Variants in ZNF804B observed in about 807,000 individuals in gnomAD.
ZNF804B encodes the protein zinc finger protein 804B.
A neutral mutation model predicts 101.4 loss-of-function variants in ZNF804B; 80 were observed. The observed-to-expected ratio is 0.79, with a 90% CI of 0.66 to 0.95. ZNF804B has a LOEUF of 0.95. Ranked by LOEUF, ZNF804B falls within the 40% of genes least tolerant of loss-of-function variation. The probability of loss-of-function intolerance (pLI) is 0.00; values close to 1 mark genes in which losing one functional copy is unlikely to be tolerated. For missense variants in ZNF804B, 1,673 were observed against 1,561.9 expected (o/e 1.07, Z -1.20); for synonymous variants, 622 against 558.8 (o/e 1.11, Z -1.59).
chr7:88,917,943 G>A (rs1431421644), intron 1 of ZNF804B, among the ~76,000 whole-genome samples: 3 of 152,126 alleles, frequency 2.0e-5, no homozygotes, highest in Admixed American at 2.0e-4. Flanking sequence ...TGAAAGAGAG[G>A]AAAGCACTAG....
chr7:88,795,277 A>G (rs1298289199), intron 1 of ZNF804B, among the ~76,000 whole-genome samples: 1 of 152,130 alleles, frequency 6.6e-6, no homozygotes, highest in Non-Finnish European at 1.5e-5. Context: ...GTCCTTTATA[A>G]GCCAAATTTT....
At chr7:88,882,941 A>G (rs1792065673) in intron 1 of ZNF804B, among the ~76,000 whole-genome samples, 1 of 152,066 alleles carries the variant, frequency 6.6e-6, no homozygotes, top group African/African-American at 2.4e-5. Flanking sequence ...CTCATATCTC[A>G]AACCTCAGTG....
At chr7:89,067,280 C>T (rs963355206) in intron 1 of ZNF804B, among the ~76,000 whole-genome samples, 1 of 152,130 alleles carries the variant, frequency 6.6e-6, no homozygotes, top group African/African-American at 2.4e-5. Flanking sequence ...CAATTGTAGA[C>T]CGAGTTGTTG....
At position 88,900,047 on chromosome 7, in the gene ZNF804B, A is replaced by G. The variant is rs1792365477; in HGVS notation, c.108+139963A>G. 2.6e-5 allele frequency among the ~76,000 whole-genome samples: 4 copies of G among 152,258 alleles called. No homozygotes were observed. The South Asian group carries it at 8.3e-4, about 32-fold the overall frequency. On this transcript the variant is annotated intron_variant, in intron 1 of 3. Coordinates refer to ENST00000333190, the MANE Select transcript of ZNF804B (RefSeq NM_181646.5). ...TACAGTGAAACAGTAAACATGTTCT[A>G]AGGCTGTGTTTAACATTGAAGGTTG... is the stretch of plus-strand genomic sequence containing the variant.
At chr7:88,919,623 C>T (rs780375644) in intron 1 of ZNF804B, among the ~76,000 whole-genome samples, 1 of 152,098 alleles carries the variant, frequency 6.6e-6, no homozygotes, top group Non-Finnish European at 1.5e-5. Flanking sequence ...TGTGATTCCT[C>T]ATTTGCAAAC....
intron 1 of ZNF804B, among the ~76,000 whole-genome samples, chr7:88,981,545 T>C (rs1793695234): frequency 6.6e-6 from 1 of 152,028 alleles, no homozygotes; most frequent in Non-Finnish European, 1.5e-5. Context: ...CCACTGGCTC[T>C]GAATCCAGCA....
At chr7:88,882,711 G>A (rs752332191) in intron 1 of ZNF804B, among the ~76,000 whole-genome samples, 4 of 152,108 alleles carry the variant, frequency 2.6e-5, no homozygotes, top group East Asian at 3.9e-4. Flanking sequence ...GTGGCAACAC[G>A]AGTGCAGCTA....
At position 89,112,347 on chromosome 7, in the gene ZNF804B, T is replaced by C. The variant is rs999275220; in HGVS notation, c.109-105808T>C. 4.6e-5 allele frequency among the ~76,000 whole-genome samples: 7 copies of C among 152,292 alleles called. No homozygotes were observed. In the East Asian group the frequency reaches 1.4e-3, roughly 29 times the overall value. ...CATTTTCTTGCATGTGGATGCCCAATTATTCCTCTACCATTTGTTGAAAAG... is the reference window on the plus strand; with the variant it reads ...CATTTTCTTGCATGTGGATGCCCAACTATTCCTCTACCATTTGTTGAAAAG... On this transcript the variant is annotated intron_variant, in intron 1 of 3. Transcript: ENST00000333190.
chr7:88,777,708 T>A (rs1347963356), intron 1 of ZNF804B, among the ~76,000 whole-genome samples: 1 of 151,540 alleles, frequency 6.6e-6, no homozygotes, highest in Non-Finnish European at 1.5e-5. Flanking sequence ...ATTAGCCAGG[T>A]GTGGTGGCAT....
chr7:88,842,310 A>C lies in ZNF804B; in HGVS notation c.108+82226A>C, dbSNP rs1228054007. Among the ~76,000 whole-genome samples, 5 of 152,306 alleles carry C rather than the reference A, an allele frequency of 3.3e-5. No homozygotes were observed. The East Asian group carries it at 9.6e-4, about 29-fold the overall frequency. On this transcript the variant is annotated intron_variant, in intron 1 of 3. Coordinates refer to ENST00000333190, the MANE Select transcript of ZNF804B (RefSeq NM_181646.5). The stretch of plus-strand genomic sequence containing the variant: ...GATTAGCTCCCACTCACTCTGCTTC[A>C]GCCATTGTCATTTGTTGGGAAGTGA...
intron 2 of ZNF804B, among the ~76,000 whole-genome samples, chr7:89,229,028 GC>G (rs1789143742): frequency 6.6e-6 from 1 of 152,154 alleles, no homozygotes; most frequent in African/African-American, 2.4e-5. Context: ...CGAGTGTGGG[GC>G]CCGCGGAGCC....
At chr7:89,038,575 G>T (rs1788963670) in intron 1 of ZNF804B, among the ~76,000 whole-genome samples, 1 of 152,036 alleles carries the variant, frequency 6.6e-6, no homozygotes, top group African/African-American at 2.4e-5. Context: ...CTCCTTATCA[G>T]ATATATGGTT....
chr7:88,973,143 T>G (rs1332925043), intron 1 of ZNF804B, among the ~76,000 whole-genome samples: 2 of 137,544 alleles, frequency 1.5e-5, no homozygotes, highest in East Asian at 2.1e-4. Flanking sequence ...CACTCAAGGG[T>G]TTTTTTTTTT....
intron 1 of ZNF804B, among the ~76,000 whole-genome samples, chr7:89,105,418 G>T (rs2116344531): frequency 6.6e-6 from 1 of 152,146 alleles, no homozygotes; most frequent in Admixed American, 6.6e-5. Flanking sequence ...CTAAAGCACA[G>T]TTGTTGTTTC....
chr7:88,970,854 G>A lies in ZNF804B; in HGVS notation c.108+210770G>A, dbSNP rs554062830. 4.7e-3 allele frequency among the ~76,000 whole-genome samples: 696 copies of A among 149,614 alleles called. 6 individuals are homozygous for A. The highest frequency in any genetic ancestry group is 0.012 in the African/African-American group (504 of 40,742). ...GAGGGGGGAGGGATAGCATTAGGAG[G>A]TATACCTAACGCTAAATGACAAGTT... On this transcript the variant is annotated intron_variant, in intron 1 of 3. Transcript: ENST00000333190.
intron 2 of ZNF804B, among the ~76,000 whole-genome samples, chr7:89,245,246 CA>C (rs1789426216): frequency 6.6e-6 from 1 of 151,392 alleles, no homozygotes; most frequent in African/African-American, 2.4e-5. Context: ...ATTTAGAAAA[CA>C]AAAAATAAAC....
At chr7:89,042,294 A>G (rs1789027570) in intron 1 of ZNF804B, among the ~76,000 whole-genome samples, 2 of 152,156 alleles carry the variant, frequency 1.3e-5, no homozygotes, top group Admixed American at 1.3e-4. Context: ...GAAATGTTAT[A>G]ATATTTCTGA....
chr7:89,178,947 A>G (rs1788249260), intron 1 of ZNF804B, among the ~76,000 whole-genome samples: 1 of 152,124 alleles, frequency 6.6e-6, no homozygotes, highest in Non-Finnish European at 1.5e-5. Context: ...AATTGATTCT[A>G]AGAGAAAATA....
chr7:89,220,042 TGTGCATATATACATATATACGC>T (rs1788970410), intron 2 of ZNF804B, among the ~76,000 whole-genome samples: 18 of 140,820 alleles, frequency 1.3e-4, no homozygotes, highest in African/African-American at 4.4e-4. Flanking sequence ...CGCACATATA[TGTGCATATATACATATATACGC>T]ACATATATGT....
Sources: allele counts gnomAD v4.1 joint callset (sites outside exome capture counted in the v4.1 genomes callset), GRCh38; gene constraint gnomAD v4.1.1; transcripts MANE v1.5; gene names NCBI Gene and HGNC (gene_info 2026-07-23, HGNC 2026-07-21).